EXOC4: variants seen among roughly 807,000 people sequenced by gnomAD.
EXOC4 encodes the protein exocyst complex component 4, also known as SEC8-like 1.
Under a neutral mutation model 107.2 loss-of-function variants are expected in EXOC4, and 71 were observed. That is an observed-to-expected ratio of 0.66 (90% CI 0.55 to 0.81). EXOC4 has a LOEUF of 0.81. Ranked by LOEUF, EXOC4 falls within the 30% of genes least tolerant of loss-of-function variation. The pLI is 0.00. For synonymous variants in EXOC4, 456 were observed against 441.2 expected (o/e 1.03, Z -0.42); for missense variants, 1,108 against 1,189.6 (o/e 0.93, Z 1.01).
At chr7:133,412,344 G>T (rs1380273771) in intron 7 of EXOC4, among the ~76,000 whole-genome samples, 1 of 124,542 alleles carries the variant, frequency 8.0e-6, no homozygotes, top group African/African-American at 3.0e-5. Context: ...GATAAAAGTG[G>T]TATGTTGTGG....
intron 7 of EXOC4, among the ~76,000 whole-genome samples, chr7:133,393,654 C>G (rs1045555550): frequency 2.0e-5 from 3 of 152,132 alleles, no homozygotes; most frequent in Non-Finnish European, 4.4e-5. Flanking sequence ...AGAGCTCCCT[C>G]GACAGTTCTG....
intron 7 of EXOC4, among the ~76,000 whole-genome samples, chr7:133,401,936 A>G (rs1797099705): frequency 6.6e-6 from 1 of 152,166 alleles, no homozygotes. Context: ...TGCCTTCACT[A>G]AGAACCTTGG....
intron 17 of EXOC4, among the ~76,000 whole-genome samples, chr7:134,049,383 A>G (rs1266960688): frequency 6.6e-6 from 1 of 152,074 alleles, no homozygotes; most frequent in Non-Finnish European, 1.5e-5. Flanking sequence ...TGCCTTGCCC[A>G]CCTTTCCCCT....
intron 9 of EXOC4, among the ~76,000 whole-genome samples, chr7:133,609,933 T>C (rs1320422253): frequency 6.6e-6 from 1 of 152,232 alleles, no homozygotes; most frequent in African/African-American, 2.4e-5. Flanking sequence ...TCAGTAGTTA[T>C]AGTCCATGAA....
At chr7:133,741,939 T>G (rs1795573316) in intron 10 of EXOC4, among the ~76,000 whole-genome samples, 2 of 152,234 alleles carry the variant, frequency 1.3e-5, no homozygotes, top group South Asian at 4.1e-4. Context: ...CCTCAGGGAC[T>G]GATAAAGTTA....
intron 9 of EXOC4, 81 bp from the exon 10 acceptor site, chr7:133,629,964 G>T (rs1802550466): frequency 2.1e-6 from 2 of 945,212 alleles, no homozygotes; most frequent in African/African-American, 3.2e-5. Flanking sequence ...TGACAGTATA[G>T]GACTCATCTA....
chr7:133,765,837 T>C (rs1394691180), intron 10 of EXOC4, among the ~76,000 whole-genome samples: 1 of 151,960 alleles, frequency 6.6e-6, no homozygotes, highest in African/African-American at 2.4e-5. Flanking sequence ...CCCTACTCTC[T>C]CTTTTTGTAC....
intron 2 of EXOC4, among the ~76,000 whole-genome samples, chr7:133,276,393 A>G (rs561417708): frequency 6.6e-6 from 1 of 152,322 alleles, no homozygotes; most frequent in Non-Finnish European, 1.5e-5. Flanking sequence ...ATAAATAACA[A>G]TAATTGCCAC....
chr7:133,685,361 C>G (rs114717918), intron 10 of EXOC4, among the ~76,000 whole-genome samples: 16,649 of 152,158 alleles, frequency 0.11, 966 homozygotes, highest in Middle Eastern at 0.16. Flanking sequence ...GGCACTTATC[C>G]TTCCTGATGC....
intron 13 of EXOC4, among the ~76,000 whole-genome samples, chr7:133,926,453 TTTG>T (rs538972720): frequency 1.1e-3 from 168 of 152,362 alleles, no homozygotes; most frequent in Admixed American, 2.4e-3. Context: ...GACTCTAGAT[TTTG>T]TTATCATTGG....
rs566754414 is a variant in EXOC4, at chr7:133,951,699, A to G, written c.2206+13630A>G. ...TTGAAATTAGATTTTGAGCTCTTAA[A>G]TTTAACAGCCTTCCAAAATCCACAT... On this transcript the variant is annotated intron_variant, in intron 14 of 17. Transcript: ENST00000253861. Among the ~76,000 whole-genome samples the G allele has an allele frequency of 4.2e-4, 64 of 152,326 alleles. No homozygotes were observed. In the Middle Eastern group the frequency reaches 0.017, roughly 40 times the overall value.
chr7:133,321,519 GT>G (rs1795112075), intron 5 of EXOC4, among the ~76,000 whole-genome samples: 2 of 152,094 alleles, frequency 1.3e-5, no homozygotes, highest in Non-Finnish European at 2.9e-5. Context: ...AACATGAGGT[GT>G]TTGGTTTTCT....
At chr7:133,412,608 T>C (rs970917637) in intron 7 of EXOC4, among the ~76,000 whole-genome samples, 3 of 151,958 alleles carry the variant, frequency 2.0e-5, no homozygotes, top group African/African-American at 7.2e-5. Context: ...GGAGAATTGC[T>C]TGAGTCTAGT....
intron 9 of EXOC4, among the ~76,000 whole-genome samples, chr7:133,582,629 C>T (rs747824148): frequency 1.1e-4 from 16 of 150,828 alleles, no homozygotes; most frequent in South Asian, 8.4e-4. Context: ...GAAAGTTTTT[C>T]GTAATGTTGT....
chr7:134,087,522 T>G, the EXOC4 span, among the ~76,000 whole-genome samples: 1 of 152,136 alleles, frequency 6.6e-6, no homozygotes, highest in African/African-American at 2.4e-5. Context: ...ATACGTAAAA[T>G]TATCCCAAGT....
intron 1 of EXOC4, among the ~76,000 whole-genome samples, chr7:133,260,378 AT>A (rs1795119543): frequency 6.6e-6 from 1 of 152,028 alleles, no homozygotes; most frequent in Non-Finnish European, 1.5e-5. Context: ...GGTTCAAACA[AT>A]TCTCCTGCTT....
chr7:133,924,390 G>A (rs538068950), intron 13 of EXOC4, among the ~76,000 whole-genome samples: 1 of 152,072 alleles, frequency 6.6e-6, no homozygotes, highest in African/African-American at 2.4e-5. Context: ...AGTCTTATAG[G>A]TATCTTCAAT....
chr7:133,944,358 G>A (rs1258263141), intron 14 of EXOC4, among the ~76,000 whole-genome samples: 1 of 152,100 alleles, frequency 6.6e-6, no homozygotes, highest in East Asian at 1.9e-4. Flanking sequence ...TAGGAATTCT[G>A]GTTGGGTATT....
At chr7:133,722,804 A>G (rs1405316047) in intron 10 of EXOC4, among the ~76,000 whole-genome samples, 1 of 152,238 alleles carries the variant, frequency 6.6e-6, no homozygotes, top group Non-Finnish European at 1.5e-5. Context: ...TTAAACAAGC[A>G]GGTTTTGAGT....
Sources: allele counts gnomAD v4.1 joint callset (sites outside exome capture counted in the v4.1 genomes callset), GRCh38; gene constraint gnomAD v4.1.1; transcripts MANE v1.5; gene names NCBI Gene and HGNC (gene_info 2026-07-23, HGNC 2026-07-21).